RORB: variants seen among roughly 807,000 people sequenced by gnomAD.
RORB encodes nuclear receptor ROR-beta.
Under a neutral mutation model 59.1 loss-of-function variants are expected in RORB, and 6 were observed. That is an observed-to-expected ratio of 0.10 (90% CI 0.06 to 0.20). The LOEUF is 0.20. Ranked by LOEUF, RORB falls within the 10% of genes least tolerant of loss-of-function variation. The pLI is 1.00. For synonymous variants in RORB, 215 were observed against 204.5 expected (o/e 1.05, Z -0.44); for missense variants, 320 against 560.5 (o/e 0.57, Z 4.33).
At chr9:74,665,977 A>G (rs1156343674) in intron 7 of RORB, among the ~76,000 whole-genome samples, 1 of 152,196 alleles carries the variant, frequency 6.6e-6, no homozygotes, top group Non-Finnish European at 1.5e-5. Context: ...CCCCATCTCT[A>G]CAAAAAGTAC....
chr9:74,628,077 C>T (rs1823550564), intron 1 of RORB, among the ~76,000 whole-genome samples: 1 of 152,068 alleles, frequency 6.6e-6, no homozygotes, highest in African/African-American at 2.4e-5. Context: ...AACTAGAAAG[C>T]ATAAGATCAG....
chr9:74,527,007 A>G (rs1826164181), intron 1 of RORB, among the ~76,000 whole-genome samples: 1 of 151,952 alleles, frequency 6.6e-6, no homozygotes, highest in African/African-American at 2.4e-5. Context: ...TGCCAATATT[A>G]TATGTTGATA....
chr9:74,656,862 A>T (rs11144041), intron 4 of RORB, among the ~76,000 whole-genome samples: 12,181 of 152,246 alleles, frequency 0.08, 899 homozygotes, highest in East Asian at 0.43. Flanking sequence ...CTACAAGATG[A>T]AATTCCTTGA....
rs182033384 is a variant in RORB at position 74,608,587 on chromosome 9, A to G, written c.8-21695A>G. Among the ~76,000 whole-genome samples, 812 of 147,332 alleles carry G rather than the reference A, an allele frequency of 5.5e-3. 9 individuals are homozygous for G. Among genetic ancestry groups the G allele is most frequent in the African/African-American group, 0.019 (774 of 40,194 alleles). On this transcript the variant is annotated intron_variant, in intron 1 of 9. Transcript: ENST00000376896. Reference sequence around the variant, plus strand: ...TCAAAAAAAAAAAAAAAAAATTGCTAGTTCCTTTGTTTTCTATTCTGTTAT... The same window carrying G: ...TCAAAAAAAAAAAAAAAAAATTGCTGGTTCCTTTGTTTTCTATTCTGTTAT...
chr9:74,543,309 G>A (rs371224209), intron 1 of RORB, among the ~76,000 whole-genome samples: 6 of 152,320 alleles, frequency 3.9e-5, no homozygotes, highest in African/African-American at 1.4e-4. Flanking sequence ...GCAGATATAT[G>A]AGCAACAGGA....
intron 9 of RORB, among the ~76,000 whole-genome samples, chr9:74,683,338 G>C (rs985906551): frequency 6.6e-6 from 1 of 152,170 alleles, no homozygotes; most frequent in African/African-American, 2.4e-5. Context: ...AGCGACTCCA[G>C]TTAAGTGGAC....
At chr9:74,517,168 A>T (rs1345738835) in intron 1 of RORB, among the ~76,000 whole-genome samples, 2 of 152,020 alleles carry the variant, frequency 1.3e-5, no homozygotes, top group Non-Finnish European at 2.9e-5. Flanking sequence ...TCAAATACAC[A>T]CCTGCAAAAT....
At chr9:74,604,111 AT>A (rs1298643891) in intron 1 of RORB, among the ~76,000 whole-genome samples, 1 of 152,180 alleles carries the variant, frequency 6.6e-6, no homozygotes, top group African/African-American at 2.4e-5. Context: ...ATGTCCTATT[AT>A]TTTCTAAACT....
intron 1 of RORB, among the ~76,000 whole-genome samples, chr9:74,626,945 C>T (rs1823528131): frequency 1.3e-5 from 2 of 152,134 alleles, no homozygotes; most frequent in Non-Finnish European, 2.9e-5. Context: ...AGGCTGATCA[C>T]AAAGTCAGGA....
intron 1 of RORB, among the ~76,000 whole-genome samples, chr9:74,582,801 G>T (rs1464901444): frequency 6.6e-6 from 1 of 152,130 alleles, no homozygotes. Context: ...AGGCATATTA[G>T]CTTGCAACTT....
At chr9:74,666,856 A>G (rs1350234790) in intron 7 of RORB, among the ~76,000 whole-genome samples, 1 of 152,238 alleles carries the variant, frequency 6.6e-6, no homozygotes, top group Non-Finnish European at 1.5e-5. Flanking sequence ...CATGGTAGGA[A>G]GAACATTAGC....
chr9:74,593,305 A>G lies in RORB; in HGVS notation c.8-36977A>G, dbSNP rs113894380. ...AACATGGTGAAACCCTGTCTCTACT[A>G]AAAATACAAAATTAGCCAGGCACAG... On this transcript the variant is annotated intron_variant, in intron 1 of 9. Transcript: ENST00000376896. Among the ~76,000 whole-genome samples the G allele has an allele frequency of 2.2e-3, 330 of 152,076 alleles. 3 individuals are homozygous for G. Among genetic ancestry groups the G allele is most frequent in the African/African-American group, 7.5e-3 (311 of 41,500 alleles).
chr9:74,660,521 G>GTATC (rs889487155), intron 4 of RORB, 96 bp from the exon 5 acceptor site: 26 of 1,088,876 alleles, frequency 2.4e-5, no homozygotes, highest in Non-Finnish European at 3.1e-5. Flanking sequence ...TACAATAGGA[G>GTATC]TATCTCCAAA....
chr9:74,634,851 G>T (rs1438616303), intron 3 of RORB, 79 bp downstream of exon 3: 6 of 1,327,878 alleles, frequency 4.5e-6, no homozygotes, highest in Non-Finnish European at 6.1e-6. Context: ...GCTGCTGGAA[G>T]AATTCTAGAT....
Position 74,538,333 on chromosome 9 carries a change from T to A in RORB, c.7+40350T>A, listed in dbSNP as rs146579149. Among the ~76,000 whole-genome samples the A allele has an allele frequency of 3.3e-5, 5 of 152,218 alleles. No individual in the cohort carries two copies. The East Asian group carries it at 9.7e-4, about 29-fold the overall frequency. ...TATTCTTGTTCTCAAGAAGCCCTCT[T>A]GGATGATTTTTAAAATAGTAAAAGA... is the stretch of plus-strand genomic sequence containing the variant. On this transcript the variant is annotated intron_variant, in intron 1 of 9. Transcript: ENST00000376896.
intron 1 of RORB, among the ~76,000 whole-genome samples, chr9:74,569,447 C>A (rs1563940200): frequency 6.6e-6 from 1 of 151,922 alleles, no homozygotes; most frequent in African/African-American, 2.4e-5. Flanking sequence ...ATTATGATGA[C>A]AGTTTTAAAA....
intron 1 of RORB, among the ~76,000 whole-genome samples, chr9:74,558,627 C>T (rs1822345911): frequency 6.6e-6 from 1 of 151,788 alleles, no homozygotes; most frequent in Non-Finnish European, 1.5e-5. Flanking sequence ...TTTAGAGAGA[C>T]AGAACTTTAA....
chr9:74,622,525 T>TTTTC lies in RORB; in HGVS notation c.8-7754_8-7753insCTTT, dbSNP rs1169962950. Among the ~76,000 whole-genome samples, 47 of 136,196 alleles carry TTTTC rather than the reference T, an allele frequency of 3.5e-4. No individual in the cohort carries two copies. The East Asian group carries it at 0.01, about 29-fold the overall frequency. The allele number at this position is 136,196 out of a possible 152,430, so 89.3% of individuals were successfully genotyped here. On this transcript the variant is annotated intron_variant, in intron 1 of 9. Transcript: ENST00000376896. ...AGATGCTGTTACAACCCAGATTTTTTTTTTTTTTTTTTTTTTTTTGAGACA... is the reference window on the plus strand; with the variant it reads ...AGATGCTGTTACAACCCAGATTTTTTTTTCTTTTTTTTTTTTTTTTTTTGAGACA...
At chr9:74,602,394 C>T (rs1459609420) in intron 1 of RORB, among the ~76,000 whole-genome samples, 2 of 152,128 alleles carry the variant, frequency 1.3e-5, no homozygotes, top group East Asian at 1.9e-4. Flanking sequence ...ATGCATGATA[C>T]CTTTTGGCAC....
Sources: gnomAD v4.1 joint callset for allele counts (sites outside exome capture counted in the v4.1 genomes callset) on GRCh38, gnomAD v4.1.1 for gene constraint, MANE v1.5 for transcripts, NCBI Gene and HGNC (gene_info 2026-07-23, HGNC 2026-07-21) for gene names.